The following TEAD1 variants were observed in gnomAD, a reference collection of about 807,000 sequenced individuals.
TEAD1 encodes the protein transcriptional enhancer factor TEF-1.
In TEAD1, 9 loss-of-function variants were observed where a neutral mutation model predicts 54.9. That is an observed-to-expected ratio of 0.16 (90% CI 0.10 to 0.29). TEAD1 has a LOEUF of 0.29. TEAD1 is among the 10% of genes least tolerant of loss of function. TEAD1 has a pLI of 1.00. For synonymous variants in TEAD1, 200 were observed against 187.8 expected (o/e 1.07, Z -0.53); for missense variants, 387 against 535.9 (o/e 0.72, Z 2.74).
intron 3 of TEAD1, among the ~76,000 whole-genome samples, chr11:12,824,322 T>C (rs940754743): frequency 1.3e-5 from 2 of 152,184 alleles, no homozygotes; most frequent in Non-Finnish European, 1.5e-5. Flanking sequence ...GTGTACGCAG[T>C]AGTTATTCTA....
In TEAD1 at chr11:12,943,385, T is replaced by C. The variant is rs1949178434; in HGVS notation, c.*6163T>C. The C allele has an allele frequency of 6.6e-6, 1 of 152,654 alleles. No homozygotes were observed. Among genetic ancestry groups the C allele is most frequent in the Non-Finnish European group, 1.5e-5 (1 of 68,038 alleles). The allele number at this position is 152,654 out of a possible 1,614,324, so 9.5% of individuals were successfully genotyped here. A position where few individuals can be genotyped will look rare whatever the true frequency, so the allele number is the denominator to read the frequency against. ...TAGTTTTCTCTCTCAAAGCCGTTGC[T>C]TATATCGTTAAGAATGAAGGTTTGT... On this transcript the variant is annotated 3_prime_UTR_variant, in exon 13 of 13. Transcript: ENST00000527636.
chr11:12,787,974 T>C (rs1323979272), intron 3 of TEAD1, among the ~76,000 whole-genome samples: 1 of 151,532 alleles, frequency 6.6e-6, no homozygotes, highest in Non-Finnish European at 1.5e-5. Context: ...TTTTTTTTTT[T>C]TTTTTGAGAT....
At chr11:12,908,714 C>T (rs77314895) in intron 10 of TEAD1, among the ~76,000 whole-genome samples, 5,998 of 152,162 alleles carry the variant, frequency 0.039, 125 homozygotes, top group South Asian at 0.081. Flanking sequence ...ACATTCTAGA[C>T]AGTTGGGAAT....
Position 12,748,110 on chromosome 11 carries a change from C to T in TEAD1, c.-54-16069C>T, listed in dbSNP as rs548935818. The stretch of plus-strand genomic sequence containing the variant: ...CCAAGTAGCTGGGACTACAGGCACC[C>T]GTCACCACGCCCGGCTAATTTTTGT... On this transcript the variant is annotated intron_variant, in intron 2 of 12. Transcript: ENST00000527636. 9.9e-5 allele frequency among the ~76,000 whole-genome samples: 15 copies of T among 152,082 alleles called. No individual in the cohort carries two copies. In the South Asian group the frequency reaches 2.7e-3, roughly 27 times the overall value.
intron 11 of TEAD1, 50 bp downstream of exon 11, chr11:12,925,102 C>T (rs763450616): frequency 6.2e-7 from 1 of 1,607,138 alleles, no homozygotes; most frequent in Non-Finnish European, 8.5e-7. Flanking sequence ...CAGACTGTTG[C>T]CTTCCTTTAA....
At chr11:12,753,985 A>G (rs1437619843) in intron 2 of TEAD1, among the ~76,000 whole-genome samples, 2 of 152,274 alleles carry the variant, frequency 1.3e-5, no homozygotes, top group East Asian at 3.9e-4. Context: ...ATCAGGAAAA[A>G]AATTTCTTTA....
chr11:12,710,048 C>T (rs1353235284), intron 2 of TEAD1, among the ~76,000 whole-genome samples: 1 of 151,402 alleles, frequency 6.6e-6, no homozygotes, highest in Non-Finnish European at 1.5e-5. Flanking sequence ...AATTGTAGGC[C>T]AGGCACTATG....
intron 2 of TEAD1, among the ~76,000 whole-genome samples, chr11:12,687,586 A>C (rs897205620): frequency 1.3e-5 from 2 of 152,202 alleles, no homozygotes; most frequent in African/African-American, 4.8e-5. Flanking sequence ...TGGCATTTGA[A>C]GGGAGTTAAG....
rs1288770280 is a variant in TEAD1 at position 12,705,656 on chromosome 11, A to G, written c.-55+30095A>G. On this transcript the variant is annotated intron_variant, in intron 2 of 12. Coordinates refer to ENST00000527636, the MANE Select transcript of TEAD1 (RefSeq NM_021961.6). ...AGGAATGATGGTTTGTGTACAAGCT[A>G]TTAATAAAAGTTGTGTGTTGCATAT... Among the ~76,000 whole-genome samples, 2 of 152,238 alleles carry G rather than the reference A, an allele frequency of 1.3e-5. 1 individual carries two copies. The highest frequency in any genetic ancestry group is 4.8e-5 in the African/African-American group (2 of 41,456).
At chr11:12,720,444 A>G (rs151030363) in intron 2 of TEAD1, among the ~76,000 whole-genome samples, 5 of 152,220 alleles carry the variant, frequency 3.3e-5, no homozygotes, top group African/African-American at 4.8e-5. Flanking sequence ...TGCAACAGAT[A>G]TCATTTACTG....
intron 2 of TEAD1, among the ~76,000 whole-genome samples, chr11:12,717,404 A>G (rs1056260656): frequency 6.6e-6 from 1 of 152,174 alleles, no homozygotes; most frequent in Non-Finnish European, 1.5e-5. Flanking sequence ...TGTTTTATGG[A>G]TAGAAGATGT....
intron 3 of TEAD1, among the ~76,000 whole-genome samples, chr11:12,853,089 C>T (rs779527068): frequency 2.0e-5 from 3 of 152,174 alleles, no homozygotes; most frequent in Admixed American, 6.5e-5. Flanking sequence ...GCTTACCCCT[C>T]TTCATACACT....
chr11:12,915,397 C>T (rs2134148628), intron 10 of TEAD1, among the ~76,000 whole-genome samples: 1 of 152,272 alleles, frequency 6.6e-6, no homozygotes, highest in East Asian at 1.9e-4. Flanking sequence ...CCACTCTGTC[C>T]CCTGGCCTAG....
At chr11:12,809,096 C>G (rs1946236522) in intron 3 of TEAD1, among the ~76,000 whole-genome samples, 1 of 152,190 alleles carries the variant, frequency 6.6e-6, no homozygotes, top group Non-Finnish European at 1.5e-5. Flanking sequence ...GGTTTTCTTT[C>G]CTAATGAGTG....
chr11:12,772,671 C>A (rs1945336491), intron 3 of TEAD1, among the ~76,000 whole-genome samples: 1 of 152,084 alleles, frequency 6.6e-6, no homozygotes, highest in African/African-American at 2.4e-5. Context: ...AGAAATAATA[C>A]CCAAAGGGAT....
intron 2 of TEAD1, among the ~76,000 whole-genome samples, chr11:12,752,579 C>T (rs1944898018): frequency 6.6e-6 from 1 of 152,074 alleles, no homozygotes; most frequent in African/African-American, 2.4e-5. Flanking sequence ...GTACAATTCA[C>T]CCATGTTGTT....
intron 2 of TEAD1, among the ~76,000 whole-genome samples, chr11:12,707,440 C>A (rs1943843010): frequency 6.6e-6 from 1 of 152,216 alleles, no homozygotes; most frequent in South Asian, 2.1e-4. Context: ...TTCACAAAGT[C>A]TGTGCACCAG....
chr11:12,728,228 C>T (rs1944351381), intron 2 of TEAD1, among the ~76,000 whole-genome samples: 2 of 152,188 alleles, frequency 1.3e-5, no homozygotes, highest in Admixed American at 1.3e-4. Flanking sequence ...ACAGTTGTAG[C>T]TGCCTGGAGT....
In TEAD1 at chr11:12,735,553, C is replaced by A. The variant is rs866613450; in HGVS notation, c.-54-28626C>A. On this transcript the variant is annotated intron_variant, in intron 2 of 12. Transcript: ENST00000527636. ...TCTGCCCGCCCTCCTTGTCGCCTTT[C>A]CTGGTTCGATTTTTTTTTTTTTTTT... Among the ~76,000 whole-genome samples, 6 of 150,658 alleles carry A rather than the reference C, an allele frequency of 4.0e-5. No individual in the cohort carries two copies. The South Asian group carries it at 1.3e-3, about 32-fold the overall frequency.
Sources: gnomAD v4.1 joint callset for allele counts (sites outside exome capture counted in the v4.1 genomes callset) on GRCh38, gnomAD v4.1.1 for gene constraint, MANE v1.5 for transcripts, NCBI Gene and HGNC (gene_info 2026-07-23, HGNC 2026-07-21) for gene names.